The following SEMA3E variants were observed in gnomAD, a reference collection of about 807,000 sequenced individuals.
SEMA3E encodes semaphorin-3E.
In SEMA3E, 49 loss-of-function variants were observed where a neutral mutation model predicts 93.6. The ratio of observed to expected loss-of-function variants is 0.52; its 90% CI spans 0.42 to 0.66. The LOEUF (loss-of-function observed/expected upper bound fraction) is 0.66, where lower values mean the gene tolerates loss of function less well. Ranked by LOEUF, SEMA3E falls within the 30% of genes least tolerant of loss-of-function variation. The pLI is 0.00. For missense variants in SEMA3E, 906 were observed against 964.8 expected (o/e 0.94, Z 0.81); for synonymous variants, 363 against 330.7 (o/e 1.10, Z -1.06).
rs56867715 is a variant in SEMA3E, at chr7:83,363,860, ATTTTTTTTTTTTTTTTTTTTTTTTTTTT to A, written c.*3698_*3725del. 2 of 76,968 alleles carry A rather than the reference ATTTTTTTTTTTTTTTTTTTTTTTTTTTT, an allele frequency of 2.6e-5. No individual in the cohort carries two copies. The highest frequency in any genetic ancestry group is 5.1e-4 in the East Asian group (1 of 1,952). The allele number at this position is 76,968 out of a possible 1,614,324, so 4.8% of individuals were successfully genotyped here. A position where few individuals can be genotyped will look rare whatever the true frequency, so the allele number is the denominator to read the frequency against. On this transcript the variant is annotated 3_prime_UTR_variant, in exon 17 of 17. Coordinates refer to ENST00000643230, the MANE Select transcript of SEMA3E (RefSeq NM_012431.3). ...GGCTACAGGTGTCACAGGTCAATTC[ATTTTTTTTTTTTTTTTTTTTTTTTTTTT>A]TTTTTTTTTTTTTTTTTGAGACGGA...
intron 4 of SEMA3E, among the ~76,000 whole-genome samples, chr7:83,443,789 TACTC>T (rs1035286450): frequency 1.2e-4 from 18 of 152,136 alleles, no homozygotes; most frequent in Middle Eastern, 3.4e-3. Flanking sequence ...GTCAACATAA[TACTC>T]AATTCTATTC....
At chr7:83,426,186 A>G (rs936464416) in intron 4 of SEMA3E, among the ~76,000 whole-genome samples, 1 of 152,198 alleles carries the variant, frequency 6.6e-6, no homozygotes, top group African/African-American at 2.4e-5. Flanking sequence ...AAAAAACTTA[A>G]ATCAGAATTA....
intron 1 of SEMA3E, among the ~76,000 whole-genome samples, chr7:83,550,205 A>T (rs538737378): frequency 1.2e-4 from 18 of 152,142 alleles, no homozygotes; most frequent in Non-Finnish European, 2.1e-4. Context: ...GAGAACGGAT[A>T]ACACCCACAT....
In SEMA3E at chr7:83,648,817, A is replaced by T; in HGVS notation, c.-275T>A. The stretch of plus-strand genomic sequence containing the variant: ...TGTCCTGTCTAGAGCGCTCTTCAGC[A>T]ACTACGCCGGTAGATTCAGGAAGAA... On this transcript the variant is annotated 5_prime_UTR_variant, in exon 1 of 17. Transcript: ENST00000643230. 1 of 432,518 alleles carries T rather than the reference A, an allele frequency of 2.3e-6. No individual in the cohort carries two copies. The highest frequency in any genetic ancestry group is 4.0e-5 in the East Asian group (1 of 25,176). The allele number at this position is 432,518 out of a possible 1,614,324, so 26.8% of individuals were successfully genotyped here. A position where few individuals can be genotyped will look rare whatever the true frequency, so the allele number is the denominator to read the frequency against.
intron 4 of SEMA3E, among the ~76,000 whole-genome samples, chr7:83,423,670 A>T (rs1562775800): frequency 2.1e-5 from 3 of 142,692 alleles, no homozygotes; most frequent in African/African-American, 7.8e-5. Flanking sequence ...CGCCCGGCTA[A>T]TTTTTTTTTT....
intron 4 of SEMA3E, among the ~76,000 whole-genome samples, chr7:83,436,707 G>A (rs750079841): frequency 2.0e-5 from 3 of 151,966 alleles, no homozygotes; most frequent in Non-Finnish European, 4.4e-5. Context: ...ACCCAATGGT[G>A]CATAATGCTA....
intron 1 of SEMA3E, among the ~76,000 whole-genome samples, chr7:83,504,453 C>T (rs986494525): frequency 6.6e-6 from 1 of 152,138 alleles, no homozygotes; most frequent in African/African-American, 2.4e-5. Flanking sequence ...TGTTAAATTA[C>T]GTGCCTCAAT....
chr7:83,503,964 A>G (rs1323965637), intron 1 of SEMA3E, among the ~76,000 whole-genome samples: 1 of 151,642 alleles, frequency 6.6e-6, no homozygotes, highest in Admixed American at 6.6e-5. Flanking sequence ...CATTTTCCCC[A>G]CTTGACCTCT....
chr7:83,475,299 C>T (rs1789987196), intron 2 of SEMA3E, among the ~76,000 whole-genome samples: 1 of 152,068 alleles, frequency 6.6e-6, no homozygotes, highest in South Asian at 2.1e-4. Context: ...TCCAGTTAAA[C>T]ACACTGTTTA....
intron 14 of SEMA3E, among the ~76,000 whole-genome samples, chr7:83,390,139 A>T (rs1787984855): frequency 2.3e-5 from 1 of 43,656 alleles, no homozygotes; most frequent in African/African-American, 8.0e-5. Flanking sequence ...GTGCACATAT[A>T]TGCGCGTATA....
At chr7:83,648,387 T>C (rs778609745) in intron 1 of SEMA3E, 41 bp downstream of exon 1, 48 of 1,406,508 alleles carry the variant, frequency 3.4e-5, no homozygotes, top group Non-Finnish European at 4.5e-5. Flanking sequence ...CTTTTTCTTT[T>C]TTTTTTTTTT....
At position 83,449,047 on chromosome 7, in the gene SEMA3E, T is replaced by A. The variant is rs190544825; in HGVS notation, c.456+17435A>T. On this transcript the variant is annotated intron_variant, in intron 4 of 16. Transcript: ENST00000643230. ...AAACATATAACTTACAGTTTAGGTT[T>A]GAATTTTTATACAATTAAATTTTAA... is the stretch of plus-strand genomic sequence containing the variant. Among the ~76,000 whole-genome samples, 515 of 152,192 alleles carry A rather than the reference T, an allele frequency of 3.4e-3. 5 individuals carry two copies. Among genetic ancestry groups the A allele is most frequent in the Non-Finnish European group, 6.2e-3 (424 of 67,998 alleles).
intron 4 of SEMA3E, 142 bp downstream of exon 4, chr7:83,466,340 T>TA: frequency 1.0e-6 from 1 of 985,814 alleles, no homozygotes; most frequent in East Asian, 2.6e-5. Flanking sequence ...CCCAGAAAGA[T>TA]AATTTCTCTG....
chr7:83,434,051 C>T (rs898892003), intron 4 of SEMA3E, among the ~76,000 whole-genome samples: 22 of 151,780 alleles, frequency 1.4e-4, no homozygotes, highest in Admixed American at 1.0e-3. Flanking sequence ...TAGGTTGGTG[C>T]TAAATAACTG....
intron 2 of SEMA3E, among the ~76,000 whole-genome samples, chr7:83,485,884 G>A (rs1038243750): frequency 6.6e-6 from 1 of 152,026 alleles, no homozygotes; most frequent in Non-Finnish European, 1.5e-5. Context: ...TGTATGTTAT[G>A]TATATCCTTT....
At chr7:83,398,392 TTTAA>T (rs1387345481) in intron 11 of SEMA3E, among the ~76,000 whole-genome samples, 1 of 152,198 alleles carries the variant, frequency 6.6e-6, no homozygotes, top group Non-Finnish European at 1.5e-5. Context: ...AAACTAATAC[TTTAA>T]TTACTTTTAT....
intron 1 of SEMA3E, among the ~76,000 whole-genome samples, chr7:83,619,924 C>CAGAT (rs34402830): frequency 1.3e-4 from 18 of 143,980 alleles, no homozygotes; most frequent in South Asian, 6.4e-4. Context: ...GATAGATAGA[C>CAGAT]AGATAGATAG....
intron 1 of SEMA3E, among the ~76,000 whole-genome samples, chr7:83,558,330 T>TG (rs1791962246): frequency 1.3e-5 from 2 of 152,172 alleles, no homozygotes; most frequent in Non-Finnish European, 2.9e-5. Context: ...TTTTTCAAAA[T>TG]GCACATTTTT....
chr7:83,634,278 T>C (rs1326231727), intron 1 of SEMA3E, among the ~76,000 whole-genome samples: 1 of 152,208 alleles, frequency 6.6e-6, no homozygotes, highest in East Asian at 1.9e-4. Flanking sequence ...TTCTGAGTGA[T>C]AACTGCTTTA....
Sources: allele counts gnomAD v4.1 joint callset (sites outside exome capture counted in the v4.1 genomes callset), GRCh38; gene constraint gnomAD v4.1.1; transcripts MANE v1.5; gene names NCBI Gene and HGNC (gene_info 2026-07-23, HGNC 2026-07-21).